Variants in NFIA observed in about 807,000 individuals in gnomAD.
NFIA encodes the protein nuclear factor 1 A-type.
Under a neutral mutation model 62.8 loss-of-function variants are expected in NFIA, and 8 were observed. The ratio of observed to expected loss-of-function variants is 0.13; its 90% CI spans 0.07 to 0.23. The LOEUF (loss-of-function observed/expected upper bound fraction) is 0.23. Ranked by LOEUF, NFIA falls within the 10% of genes least tolerant of loss-of-function variation. NFIA has a pLI of 1.00. For missense variants in NFIA, 410 were observed against 642.1 expected (o/e 0.64, Z 3.91); for synonymous variants, 235 against 238.1 (o/e 0.99, Z 0.12).
At chr1:61,299,327 T>C (rs1329009765) in intron 3 of NFIA, among the ~76,000 whole-genome samples, 1 of 152,204 alleles carries the variant, frequency 6.6e-6, no homozygotes, top group East Asian at 1.9e-4. Flanking sequence ...CTTTGAAGAC[T>C]CAAGTGTTTG....
intron 3 of NFIA, among the ~76,000 whole-genome samples, chr1:61,314,156 T>C (rs1415625565): frequency 6.6e-6 from 1 of 152,204 alleles, no homozygotes; most frequent in Non-Finnish European, 1.5e-5. Flanking sequence ...TGATGACTTG[T>C]ATAGGCCATC....
At chr1:61,260,590 T>C (rs1348713676) in intron 2 of NFIA, among the ~76,000 whole-genome samples, 1 of 151,546 alleles carries the variant, frequency 6.6e-6, no homozygotes, top group Non-Finnish European at 1.5e-5. Flanking sequence ...GAAATTACTA[T>C]TTTTTTTTGA....
intron 1 of NFIA, among the ~76,000 whole-genome samples, 171 bp downstream of exon 1, chr1:61,082,989 T>TG (rs373331880): frequency 0.15 from 4,452 of 29,130 alleles, 190 homozygotes; most frequent in East Asian, 0.41. Flanking sequence ...TGCCCGCGGG[T>TG]GGGGGGGGGG....
chr1:61,227,286 C>T (rs1014050044), intron 2 of NFIA, among the ~76,000 whole-genome samples: 1 of 152,114 alleles, frequency 6.6e-6, no homozygotes, highest in Non-Finnish European at 1.5e-5. Context: ...TGTTTGGAAA[C>T]GTTTGTTCAT....
chr1:61,352,663 A>C (rs1662606972), intron 5 of NFIA, 96 bp downstream of exon 5: 2 of 965,336 alleles, frequency 2.1e-6, no homozygotes, highest in Non-Finnish European at 3.3e-6. Context: ...ATGCGCCTTT[A>C]GTAATAGAAG....
At position 61,406,632 on chromosome 1, in the gene NFIA, C is replaced by T; in HGVS notation, c.1325C>T (p.Pro442Leu). The T allele has an allele frequency of 6.2e-7, 1 of 1,612,738 alleles. No individual in the cohort carries two copies. The highest frequency in any genetic ancestry group is 8.5e-7 in the Non-Finnish European group (1 of 1,179,630). ...ACCCCAATGTTGCCACCGCCACCGC[C>T]ACCACCGATGGCCAGGCCTGTGCCT... ...LPTPMLPPPPPPPMARPVPLP... is the reference protein window; with the variant it reads ...LPTPMLPPPPLPPMARPVPLP... The change falls in exon 9 of 11, where the codon CCA becomes CTA. Residue 442 changes from proline to leucine, a missense_variant. Transcript: ENST00000403491.
Position 61,302,606 on chromosome 1 carries a change from A to G in NFIA, c.625+25021A>G, listed in dbSNP as rs573895705. 3.9e-5 allele frequency among the ~76,000 whole-genome samples: 6 copies of G among 152,340 alleles called. No homozygotes were observed. The South Asian group carries it at 1.2e-3, about 32-fold the overall frequency. On this transcript the variant is annotated intron_variant, in intron 3 of 10. Coordinates refer to ENST00000403491, the MANE Select transcript of NFIA (RefSeq NM_001134673.4). ...AGTCTTCGTCCATAGTAACAATTAT[A>G]ATGAATGCATCAAAAATAAAGCCTG...
intron 3 of NFIA, among the ~76,000 whole-genome samples, chr1:61,316,145 C>T (rs1196462112): frequency 1.3e-5 from 2 of 152,110 alleles, no homozygotes; most frequent in Admixed American, 1.3e-4. Flanking sequence ...TCCTCCCAAC[C>T]CCCCTCAACC....
At chr1:61,129,823 A>G (rs1021834746) in intron 2 of NFIA, among the ~76,000 whole-genome samples, 10 of 152,176 alleles carry the variant, frequency 6.6e-5, no homozygotes, top group Admixed American at 5.2e-4. Flanking sequence ...TCCAAAGGGA[A>G]CTTTAGAGAT....
chr1:61,349,793 A>G (rs79033834), intron 4 of NFIA, among the ~76,000 whole-genome samples: 7,218 of 152,054 alleles, frequency 0.047, 215 homozygotes, highest in Admixed American at 0.096. Context: ...TAGTCTCACT[A>G]TGTTGCTCAG....
At chr1:61,135,075 C>T (rs974404519) in intron 2 of NFIA, among the ~76,000 whole-genome samples, 24 of 152,274 alleles carry the variant, frequency 1.6e-4, no homozygotes, top group African/African-American at 5.3e-4. Flanking sequence ...ATTCTTAAAT[C>T]TAAGAAACAA....
intron 2 of NFIA, among the ~76,000 whole-genome samples, chr1:61,226,910 G>C (rs1654369809): frequency 6.6e-6 from 1 of 152,180 alleles, no homozygotes; most frequent in African/African-American, 2.4e-5. Flanking sequence ...CCTCCCGGCT[G>C]CTTTTCAGCA....
chr1:61,406,546 C>A lies in NFIA; in HGVS notation c.1255-16C>A, dbSNP rs777479131. The A allele has an allele frequency of 3.6e-5, 21 of 581,874 alleles. 1 individual carries two copies. The highest frequency in any genetic ancestry group is 7.6e-5 in the East Asian group (1 of 13,120). 36.0% of individuals were successfully genotyped at this position (581,874 alleles called of 1,614,324 possible). A position where few individuals can be genotyped will look rare whatever the true frequency, so the allele number is the denominator to read the frequency against. ...TTTTCTTGTACGTGTGTTTTCTGCC[C>A]CCCCCCCCCCCACAGCCCAATGGGA... On this transcript the variant is annotated splice_polypyrimidine_tract_variant and intron_variant, in intron 8 of 10. Coordinates refer to ENST00000403491, the MANE Select transcript of NFIA (RefSeq NM_001134673.4).
At chr1:61,424,735 C>A (rs1457376106) in intron 9 of NFIA, among the ~76,000 whole-genome samples, 1 of 152,152 alleles carries the variant, frequency 6.6e-6, no homozygotes, top group Non-Finnish European at 1.5e-5. Flanking sequence ...TAATTATAGT[C>A]TCTCCTTTTC....
At chr1:61,138,733 C>CT (rs1032856785) in intron 2 of NFIA, among the ~76,000 whole-genome samples, 4 of 151,962 alleles carry the variant, frequency 2.6e-5, no homozygotes, top group Admixed American at 1.3e-4. Context: ...GCATGTGCTA[C>CT]TGCACTCAGA....
chr1:61,105,041 A>AC, intron 2 of NFIA, among the ~76,000 whole-genome samples: 1 of 152,116 alleles, frequency 6.6e-6, no homozygotes, highest in Admixed American at 6.5e-5. Context: ...ACTGTGGTAT[A>AC]AGGCACAGGA....
chr1:61,360,187 T>C (rs984151676), intron 6 of NFIA, among the ~76,000 whole-genome samples: 1 of 152,236 alleles, frequency 6.6e-6, no homozygotes, highest in African/African-American at 2.4e-5. Flanking sequence ...AGTCTAATCT[T>C]GGCTCTGGAG....
At chr1:61,295,302 G>C (rs1659132239) in intron 3 of NFIA, among the ~76,000 whole-genome samples, 1 of 152,200 alleles carries the variant, frequency 6.6e-6, no homozygotes, top group African/African-American at 2.4e-5. Flanking sequence ...TCAGCAAAGG[G>C]AGGCCAGAGT....
chr1:61,085,183 T>A (rs1646197329), intron 1 of NFIA, among the ~76,000 whole-genome samples: 1 of 152,090 alleles, frequency 6.6e-6, no homozygotes. Context: ...ATTTAACTTG[T>A]AGGCAATTTA....
Sources: gnomAD v4.1 joint callset for allele counts (sites outside exome capture counted in the v4.1 genomes callset) on GRCh38, gnomAD v4.1.1 for gene constraint, MANE v1.5 for transcripts, NCBI Gene and HGNC (gene_info 2026-07-23, HGNC 2026-07-21) for gene names.